Variants in CDK11A observed in about 807,000 individuals in gnomAD.
The protein encoded by CDK11A is cyclin-dependent kinase 11A.
A neutral mutation model predicts 83.6 loss-of-function variants in CDK11A; 55 were observed. That is an observed-to-expected ratio of 0.66 (90% CI 0.53 to 0.82). The LOEUF is 0.82. Ranked by LOEUF, CDK11A falls within the 40% of genes least tolerant of loss-of-function variation. The pLI is 0.00. For missense variants in CDK11A, 564 were observed against 810.1 expected (o/e 0.70, Z 3.69); for synonymous variants, 247 against 302.7 (o/e 0.82, Z 1.91).
At position 1,704,688 on chromosome 1, in the gene CDK11A, C is replaced by T. The variant is rs1049622840; in HGVS notation, c.1459-33G>A. 13 of 1,595,598 alleles carry T rather than the reference C, an allele frequency of 8.1e-6. 1 individual carries two copies. The highest frequency in any genetic ancestry group is 4.5e-5 in the East Asian group (2 of 44,150). On this transcript the variant is annotated intron_variant, in intron 13 of 19. Coordinates refer to ENST00000404249, the MANE Select transcript of CDK11A (RefSeq NM_024011.4). ...GCACGGCTCTGTGGGTGCTGGGCACCTCCAGGCCCCCACCCACCCCTGCAC... is the reference window on the plus strand; with the variant it reads ...GCACGGCTCTGTGGGTGCTGGGCACTTCCAGGCCCCCACCCACCCCTGCAC...
intron 4 of CDK11A, among the ~76,000 whole-genome samples, chr1:1,718,453 A>C (rs1322195088): frequency 6.7e-6 from 1 of 149,492 alleles, no homozygotes; most frequent in Non-Finnish European, 1.5e-5. Flanking sequence ...GGTCTGTGAC[A>C]CACGCACGCT....
intron 4 of CDK11A, 69 bp from the exon 5 acceptor site, chr1:1,716,547 C>G: frequency 6.6e-7 from 1 of 1,514,224 alleles, no homozygotes. Context: ...GGCACGGTGG[C>G]TTACGCCTGT....
rs1478129075 is a variant in CDK11A at position 1,703,671 on chromosome 1, G to A, written c.1912-47C>T. The A allele has an allele frequency of 6.4e-6, 10 of 1,561,778 alleles. 1 individual carries two copies. Among genetic ancestry groups the A allele is most frequent in the Non-Finnish European group, 7.8e-6 (9 of 1,154,580 alleles). ...ACAGCCACACCAAGTGGCCCACAGT[G>A]TTGGCACCTGTGTCCCGTCAGAGAA... On this transcript the variant is annotated intron_variant, in intron 17 of 19. Transcript: ENST00000404249.
intron 4 of CDK11A, among the ~76,000 whole-genome samples, chr1:1,717,796 C>T (rs1570423295): frequency 1.3e-5 from 2 of 148,702 alleles, no homozygotes; most frequent in African/African-American, 2.5e-5. Context: ...CTCTGGTTTT[C>T]GGTCTGTGAC....
chr1:1,704,873 C>A lies in CDK11A; in HGVS notation c.1458+31G>T, dbSNP rs1431750413. On this transcript the variant is annotated intron_variant, in intron 13 of 19. Coordinates refer to ENST00000404249, the MANE Select transcript of CDK11A (RefSeq NM_024011.4). ...GGGCCCTGTCGGAAAAGCCTTCCACCCGGGGCCAGGCGTGGTGGGGCCATG... is the reference window on the plus strand; with the variant it reads ...GGGCCCTGTCGGAAAAGCCTTCCACACGGGGCCAGGCGTGGTGGGGCCATG... 8 of 1,607,008 alleles carry A rather than the reference C, an allele frequency of 5.0e-6. No homozygotes were observed. In the African/African-American group the frequency reaches 6.8e-5, roughly 14 times the overall value.
At position 1,720,238 on chromosome 1, in the gene CDK11A, G is replaced by A. The variant is rs945818086; in HGVS notation, c.228-783C>T. ...GCCTTCCAAGTAACTGGGACTACAG[G>A]CGCCCACCACCACGCCCGGCTAATT... On this transcript the variant is annotated intron_variant, in intron 3 of 19. Transcript: ENST00000404249. Among the ~76,000 whole-genome samples the A allele has an allele frequency of 7.3e-5, 11 of 150,082 alleles. 1 individual carries two copies. Among genetic ancestry groups the A allele is most frequent in the African/African-American group, 2.5e-4 (10 of 40,724 alleles).
rs1570373309 is a variant in CDK11A at position 1,704,594 on chromosome 1, T to G, written c.1520A>C (p.Asp507Ala). ...CATGGTCTCCATCAGGCTCTTGAGGTCGTGCTCCACGTAGTTCATCACGAT... is the reference window on the plus strand; with the variant it reads ...CATGGTCTCCATCAGGCTCTTGAGGGCGTGCTCCACGTAGTTCATCACGAT... ...IYIVMNYVEHDLKSLMETMKQ... is the reference protein window; with the variant it reads ...IYIVMNYVEHALKSLMETMKQ... Residue 507 changes from aspartate (D) to alanine (A), a missense_variant, in exon 14 of 20, where the codon GAC becomes GCC. By Grantham distance (126) the Asp-to-Ala change is moderately radical. Transcript: ENST00000404249. 2.5e-6 allele frequency: 4 copies of G among 1,602,856 alleles called. 1 individual carries two copies.
intron 2 of CDK11A, 126 bp from the exon 3 acceptor site, chr1:1,721,837 T>A (rs1333914319): frequency 5.4e-6 from 7 of 1,305,324 alleles, no homozygotes; most frequent in Non-Finnish European, 7.2e-6. Flanking sequence ...GTACTCTGAA[T>A]GAGCCAGTGT....
intron 4 of CDK11A, among the ~76,000 whole-genome samples, chr1:1,717,652 G>A (rs1457383720): frequency 1.3e-4 from 6 of 47,862 alleles, no homozygotes; most frequent in African/African-American, 2.1e-4. Flanking sequence ...TGTGACACAC[G>A]CATGCTTTCA....
intron 4 of CDK11A, 178 bp downstream of exon 4, chr1:1,719,150 T>A: frequency 2.2e-6 from 1 of 449,936 alleles, no homozygotes; most frequent in Non-Finnish European, 3.8e-6. Flanking sequence ...CTGTGACACA[T>A]GCATGCTTTC....
chr1:1,723,235 TAAAA>T (rs1164936993), intron 1 of CDK11A, among the ~76,000 whole-genome samples: 2,077 of 49,312 alleles, frequency 0.042, 310 homozygotes, highest in African/African-American at 0.14. Flanking sequence ...AAGACTTGGT[TAAAA>T]AAAAAAAAAA....
intron 4 of CDK11A, among the ~76,000 whole-genome samples, chr1:1,716,693 A>T (rs935082421): frequency 2.7e-5 from 4 of 150,030 alleles, no homozygotes; most frequent in African/African-American, 9.8e-5. Context: ...AGGCACCTGT[A>T]ATCCCAGGTA....
rs1381343753 is a variant in CDK11A at position 1,702,645 on chromosome 1, G to C, written c.*262C>G. On this transcript the variant is annotated 3_prime_UTR_variant, in exon 20 of 20. Transcript: ENST00000404249. ...GCCCAGCCAGCCCCGTGCGTGTCGA[G>C]AGTGGGAGAGGGTGTGTGGAGGTTT... 14 of 554,920 alleles carry C rather than the reference G, an allele frequency of 2.5e-5. No individual in the cohort carries two copies. Among genetic ancestry groups the C allele is most frequent in the Non-Finnish European group, 4.6e-5 (14 of 306,548 alleles). 34.4% of individuals were successfully genotyped at this position (554,920 alleles called of 1,614,324 possible).
intron 3 of CDK11A, among the ~76,000 whole-genome samples, chr1:1,721,188 A>G (rs1240578630): frequency 5.3e-5 from 4 of 75,632 alleles, no homozygotes; most frequent in Non-Finnish European, 1.5e-4. Flanking sequence ...GACTCTTGAG[A>G]CACCGTCTCA....
intron 3 of CDK11A, 109 bp from the exon 4 acceptor site, chr1:1,719,564 G>T: frequency 1.2e-6 from 1 of 821,060 alleles, no homozygotes; most frequent in South Asian, 3.6e-5. Context: ...AGATAGGAAC[G>T]AAGCTGAAAC....
Position 1,704,059 on chromosome 1 carries a change from C to G in CDK11A, c.1774G>C (p.Glu592Gln). The change falls in exon 16 of 20, where the codon GAG becomes CAG. Residue 592 changes from glutamate (E) to glutamine (Q), a missense_variant. Glu to Gln is a conservative substitution (Grantham distance 29, BLOSUM62 2). Around this residue, in one of 5 missense-constraint regions of CDK11A, gnomAD observed 361 missense variants for 402.7 expected, o/e 0.90. Transcript: ENST00000404249. ...VVVTQWYRAP[E>Q]LLLGAKEYST... ...CTCACCTTGGCACCAAGCAGCAGCT[C>G]TGGGGCGCGGTACCACTGGGTCACC... 3.1e-6 allele frequency: 5 copies of G among 1,595,808 alleles called. 1 individual carries two copies. Among genetic ancestry groups the G allele is most frequent in the Non-Finnish European group, 4.3e-6 (5 of 1,168,872 alleles).
intron 2 of CDK11A, chr1:1,721,975 C>T (rs2206308): frequency 0.84 from 282,265 of 336,458 alleles, 121,611 homozygotes; most frequent in Non-Finnish European, 0.92. Context: ...CACGGAGAGA[C>T]CCCATCTCTA....
intron 1 of CDK11A, 124 bp downstream of exon 1, chr1:1,724,134 G>A (rs1645013661): frequency 6.7e-6 from 1 of 149,708 alleles, no homozygotes; most frequent in Non-Finnish European, 1.5e-5. Flanking sequence ...ACTGTCCGCG[G>A]AAGCGAGGGT....
At chr1:1,708,026 G>A (rs1004405625) in intron 10 of CDK11A, among the ~76,000 whole-genome samples, 154 bp downstream of exon 10, 8 of 148,026 alleles carry the variant, frequency 5.4e-5, no homozygotes, top group Non-Finnish European at 9.0e-5. Context: ...TGAGGAATGC[G>A]GGCCCCACCG....
Sources: allele counts gnomAD v4.1 joint callset (sites outside exome capture counted in the v4.1 genomes callset), GRCh38; gene constraint gnomAD v4.1.1; regional missense constraint gnomAD v4.1.1; transcripts MANE v1.5; gene names NCBI Gene and HGNC (gene_info 2026-07-23, HGNC 2026-07-21).